ANO10: variants seen among roughly 807,000 people sequenced by gnomAD.
The protein encoded by ANO10 is anoctamin-10.
ANO10 carries 77 observed loss-of-function variants against 74.7 expected under a neutral mutation model. The ratio of observed to expected loss-of-function variants is 1.03; its 90% CI spans 0.86 to 1.25. The LOEUF is 1.25. Among genes scored for constraint, ANO10 ranks in the 50% most tolerant of loss-of-function variants. The pLI is 0.00. For missense variants in ANO10, 721 were observed against 778.1 expected (o/e 0.93, Z 0.87); for synonymous variants, 279 against 284.9 (o/e 0.98, Z 0.21).
chr3:43,503,175 C>A (rs1391311368), intron 11 of ANO10, among the ~76,000 whole-genome samples: 4 of 152,060 alleles, frequency 2.6e-5, no homozygotes, highest in Non-Finnish European at 5.9e-5. Context: ...ATGTAGTGAT[C>A]CAGTCATTGG....
chr3:43,485,763 T>G, intron 11 of ANO10: 1 of 232,758 alleles, frequency 4.3e-6, no homozygotes, highest in South Asian at 5.0e-5. Context: ...GTGGGACCTG[T>G]TGACAAATGA....
rs767042941 is a variant in ANO10, at chr3:43,605,807, T to A, written c.46A>T (p.Thr16Ser). 1.9e-6 allele frequency: 3 copies of A among 1,613,774 alleles called. No homozygotes were observed. The highest frequency in any genetic ancestry group is 2.5e-6 in the Non-Finnish European group (3 of 1,179,780). The change falls in exon 2 of 13, where the codon ACA becomes TCA. Residue 16 changes from threonine (T) to serine (S), a missense_variant. By Grantham distance (58) the Thr-to-Ser change is moderately conservative. Transcript: ENST00000292246. Reference sequence around the variant, plus strand: ...GCAAGTTCTATGACCACCAAAGGTGTGAAAGAACTCTCAGAAGTATCCAAA... The same window carrying A: ...GCAAGTTCTATGACCACCAAAGGTGAGAAAGAACTCTCAGAAGTATCCAAA... ...SALDTSESSF[T>S]PLVVIELAQD...
chr3:43,453,810 A>G (rs1398703906), intron 11 of ANO10, among the ~76,000 whole-genome samples: 1 of 152,200 alleles, frequency 6.6e-6, no homozygotes, highest in Non-Finnish European at 1.5e-5. Flanking sequence ...TTGGTCTATA[A>G]GTCTGTCCTT....
At chr3:43,606,041 G>A (rs1371615744) in intron 1 of ANO10, among the ~76,000 whole-genome samples, 178 bp from the exon 2 acceptor site, 1 of 152,284 alleles carries the variant, frequency 6.6e-6, no homozygotes, top group East Asian at 1.9e-4. Flanking sequence ...GTACATGTGT[G>A]AGCCAAGCTT....
At chr3:43,484,317 T>G (rs536028462) in intron 11 of ANO10, among the ~76,000 whole-genome samples, 46 of 152,242 alleles carry the variant, frequency 3.0e-4, no homozygotes, top group African/African-American at 1.1e-3. Context: ...AGCCTCCAGG[T>G]AGCAGCTTTC....
At chr3:43,671,429 G>A (rs1196804280) in intron 1 of ANO10, among the ~76,000 whole-genome samples, 1 of 152,074 alleles carries the variant, frequency 6.6e-6, no homozygotes, top group Non-Finnish European at 1.5e-5. Context: ...CCGGGTTTAG[G>A]TGTAGTGAAC....
intron 4 of ANO10, among the ~76,000 whole-genome samples, chr3:43,592,641 G>A (rs2081849554): frequency 6.6e-6 from 1 of 152,188 alleles, no homozygotes; most frequent in Admixed American, 6.5e-5. Flanking sequence ...TCATAAAGAT[G>A]GAGAGAAACC....
rs1481416117 is a variant in ANO10, at chr3:43,605,810, A to C, written c.43T>G (p.Phe15Val). 6.2e-7 allele frequency: 1 copy of C among 1,613,820 alleles called. No homozygotes were observed. ...AGTTCTATGACCACCAAAGGTGTGA[A>C]AGAACTCTCAGAAGTATCCAAAGCT... Reference protein sequence around the residue: ...LSALDTSESSFTPLVVIELAQ... With the variant: ...LSALDTSESSVTPLVVIELAQ... The change falls in exon 2 of 13, where the codon TTC (phenylalanine) becomes GTC (valine). Residue 15 changes from phenylalanine (F) to valine (V), a missense_variant. By Grantham distance (50) the Phe-to-Val change is conservative (BLOSUM62 -1). Coordinates refer to ENST00000292246, the MANE Select transcript of ANO10 (RefSeq NM_018075.5).
At chr3:43,662,432 T>C (rs6806759) in intron 1 of ANO10, among the ~76,000 whole-genome samples, 128,526 of 152,132 alleles carry the variant, frequency 0.84, 54,317 homozygotes, top group Middle Eastern at 0.91. Context: ...AAATTGATAC[T>C]ACTAAATGCC....
chr3:43,421,618 A>T (rs1011137897), intron 12 of ANO10, among the ~76,000 whole-genome samples: 2 of 152,194 alleles, frequency 1.3e-5, no homozygotes, highest in East Asian at 3.9e-4. Context: ...TGAGCCCAGG[A>T]GTTCGAAACC....
At chr3:43,473,490 C>T (rs923947434) in intron 11 of ANO10, among the ~76,000 whole-genome samples, 3 of 152,196 alleles carry the variant, frequency 2.0e-5, no homozygotes, top group Admixed American at 2.0e-4. Flanking sequence ...GCTCTCAGTG[C>T]CACACGCGCC....
chr3:43,642,058 T>A (rs1053184712), intron 1 of ANO10, among the ~76,000 whole-genome samples: 24 of 152,168 alleles, frequency 1.6e-4, no homozygotes, highest in African/African-American at 5.8e-4. Flanking sequence ...TGGTGAGAAA[T>A]GATATTTCGA....
At chr3:43,387,011 T>C (rs552570583) in intron 12 of ANO10, among the ~76,000 whole-genome samples, 1 of 152,328 alleles carries the variant, frequency 6.6e-6, no homozygotes, top group Non-Finnish European at 1.5e-5. Flanking sequence ...TACAGTCATA[T>C]GTCCCTTAAC....
intron 1 of ANO10, among the ~76,000 whole-genome samples, chr3:43,617,705 T>G (rs2083187729): frequency 6.6e-6 from 1 of 152,068 alleles, no homozygotes; most frequent in African/African-American, 2.4e-5. Flanking sequence ...TTCTGGGGAT[T>G]ATTCTTTTCC....
At chr3:43,540,316 A>G (rs2078899949) in intron 11 of ANO10, among the ~76,000 whole-genome samples, 1 of 152,242 alleles carries the variant, frequency 6.6e-6, no homozygotes, top group Admixed American at 6.5e-5. Flanking sequence ...CTGCGCCTAA[A>G]TAACACCTAT....
In ANO10 at chr3:43,366,884, GGCA is replaced by G; in HGVS notation, c.*19_*21del. On this transcript the variant is annotated 3_prime_UTR_variant, in exon 13 of 13. Transcript: ENST00000292246. Reference sequence around the variant, plus strand: ...CACAGACACAGGCCTCTGCCAACAGGGCAGCTGGGCACGCTGGGCACTCAGGTT... The same window carrying G: ...CACAGACACAGGCCTCTGCCAACAGGGCTGGGCACGCTGGGCACTCAGGTT... 1 of 1,569,544 alleles carries G rather than the reference GGCA, an allele frequency of 6.4e-7. No homozygotes were observed. The highest frequency in any genetic ancestry group is 8.6e-7 in the Non-Finnish European group (1 of 1,156,978).
At position 43,561,333 on chromosome 3, in the gene ANO10, G is replaced by A. The variant is rs2080024583; in HGVS notation, c.1363C>T (p.Leu455Phe). The A allele has an allele frequency of 6.2e-7, 1 of 1,614,038 alleles. No individual in the cohort carries two copies. Among genetic ancestry groups the A allele is most frequent in the South Asian group, 1.1e-5 (1 of 91,088 alleles). Residue 455 changes from leucine to phenylalanine, a missense_variant, in exon 9 of 13, where the codon CTC becomes TTC. Coordinates refer to ENST00000292246, the MANE Select transcript of ANO10 (RefSeq NM_018075.5). ...ACCCGCACACCATGCTTCCTTTGGA[G>A]CCAATAAGGAAGAAAAGATTCCATA... ...QIMESFLPYW[L>F]QRKHGVRVKR...
intron 11 of ANO10, among the ~76,000 whole-genome samples, chr3:43,460,362 A>G (rs370587176): frequency 6.6e-6 from 1 of 152,278 alleles, no homozygotes; most frequent in East Asian, 1.9e-4. Context: ...CAGCTAAGTA[A>G]CTCTCAGATG....
intron 1 of ANO10, among the ~76,000 whole-genome samples, chr3:43,647,054 T>C (rs1014366191): frequency 3.9e-5 from 6 of 152,194 alleles, no homozygotes; most frequent in Admixed American, 1.3e-4. Flanking sequence ...AAGTCTGCCA[T>C]TGGAGTATGA....
Sources: allele counts gnomAD v4.1 joint callset (sites outside exome capture counted in the v4.1 genomes callset), GRCh38; gene constraint gnomAD v4.1.1; transcripts MANE v1.5; gene names NCBI Gene and HGNC (gene_info 2026-07-23, HGNC 2026-07-21).